Variants in TDP1 observed in about 807,000 individuals in gnomAD.
TDP1 encodes tyrosyl-DNA phosphodiesterase 1.
TDP1 carries 64 observed loss-of-function variants against 81.5 expected under a neutral mutation model. That is an observed-to-expected ratio of 0.79 (90% confidence interval 0.64 to 0.97). The LOEUF is 0.97. TDP1 is among the 50% of genes least tolerant of loss of function. TDP1 has a pLI of 0.00. For synonymous variants in TDP1, 256 were observed against 264.3 expected (o/e 0.97, Z 0.30); for missense variants, 723 against 743.8 (o/e 0.97, Z 0.33).
At position 89,989,723 on chromosome 14, in the gene TDP1, C is replaced by G; in HGVS notation, c.1324C>G (p.Pro442Ala). The G allele has an allele frequency of 1.2e-6, 2 of 1,609,386 alleles. No homozygotes were observed. The highest frequency in any genetic ancestry group is 1.7e-6 in the Non-Finnish European group (2 of 1,175,894). The change falls in exon 12 of 17, where the codon CCT (proline) becomes GCT (alanine). Residue 442 changes from proline (P) to alanine (A), a missense_variant. Coordinates refer to ENST00000335725, the MANE Select transcript of TDP1 (RefSeq NM_018319.4). Reference protein sequence around the residue: ...KSSVPLYLIYPSVENVRTSLE... With the variant: ...KSSVPLYLIYASVENVRTSLE... The stretch of plus-strand genomic sequence containing the variant: ...GTTTTCCTCTTATTTTTAGATCTAT[C>G]CTTCTGTGGAAAATGTGCGGACCAG...
At chr14:89,981,258 A>C (rs1318122937) in intron 8 of TDP1, among the ~76,000 whole-genome samples, 2 of 152,186 alleles carry the variant, frequency 1.3e-5, no homozygotes, top group Non-Finnish European at 2.9e-5. Context: ...AAAGTTGTGA[A>C]TCTCCAAGAG....
chr14:89,960,058 C>T (rs1000374550), intron 2 of TDP1, among the ~76,000 whole-genome samples: 2 of 152,132 alleles, frequency 1.3e-5, no homozygotes, highest in Non-Finnish European at 2.9e-5. Flanking sequence ...TATTACTCAC[C>T]GCCTTGGTTT....
intron 14 of TDP1, among the ~76,000 whole-genome samples, chr14:90,004,120 A>G (rs569170897): frequency 6.6e-6 from 1 of 152,218 alleles, no homozygotes; most frequent in East Asian, 1.9e-4. Context: ...TACGATAGAG[A>G]TGACTCAAGG....
intron 3 of TDP1, among the ~76,000 whole-genome samples, chr14:89,964,407 A>G (rs557251254): frequency 6.6e-6 from 1 of 152,354 alleles, no homozygotes; most frequent in African/African-American, 2.4e-5. Context: ...TCTGAATTTT[A>G]GTTTGCTCAT....
chr14:89,959,503 A>G (rs1892079219), intron 2 of TDP1, among the ~76,000 whole-genome samples: 1 of 152,250 alleles, frequency 6.6e-6, no homozygotes. Context: ...ACATTTAACA[A>G]CAAGACACAA....
chr14:89,970,851 A>G, intron 5 of TDP1: 1 of 709,618 alleles, frequency 1.4e-6, no homozygotes, highest in Non-Finnish European at 1.7e-6. Context: ...TTATTTATTT[A>G]TTTTTGAGAC....
At position 90,008,949 on chromosome 14, in the gene TDP1, TC is replaced by T. The variant is rs567388909; in HGVS notation, c.1542-10365del. Among the ~76,000 whole-genome samples, 234 of 152,348 alleles carry T rather than the reference TC, an allele frequency of 1.5e-3. 2 individuals are homozygous for T. The highest frequency in any genetic ancestry group is 5.3e-3 in the African/African-American group (220 of 41,586). ...GTCTCAAGCCTCTGGCCTCAAGTGA[TC>T]CTTCTGTCTTGGCTTCCCAAAGCAC... On this transcript the variant is annotated intron_variant, in intron 14 of 16. Coordinates refer to ENST00000335725, the MANE Select transcript of TDP1 (RefSeq NM_018319.4).
intron 6 of TDP1, chr14:89,975,425 T>G: frequency 1.0e-6 from 1 of 985,396 alleles, no homozygotes; most frequent in Non-Finnish European, 1.2e-6. Flanking sequence ...CATTAATTTC[T>G]GTATAAGCCA....
At chr14:89,972,553 A>G (rs1316131932) in intron 6 of TDP1, among the ~76,000 whole-genome samples, 1 of 152,220 alleles carries the variant, frequency 6.6e-6, no homozygotes. Flanking sequence ...GTTAGCATAC[A>G]ATGTGGCCAG....
chr14:90,015,325 A>C (rs1169694182), intron 14 of TDP1, among the ~76,000 whole-genome samples: 1 of 152,108 alleles, frequency 6.6e-6, no homozygotes, highest in Non-Finnish European at 1.5e-5. Flanking sequence ...TTTTTGTCAT[A>C]CGTTTTCAAG....
At chr14:89,973,556 C>T (rs1171852487) in intron 6 of TDP1, among the ~76,000 whole-genome samples, 1 of 152,124 alleles carries the variant, frequency 6.6e-6, no homozygotes, top group Non-Finnish European at 1.5e-5. Context: ...AAGATAAAGT[C>T]TTTTTCTAGC....
chr14:90,011,908 A>G (rs1340034959), intron 14 of TDP1, among the ~76,000 whole-genome samples: 2 of 152,246 alleles, frequency 1.3e-5, no homozygotes, highest in Non-Finnish European at 2.9e-5. Flanking sequence ...ATAAGTAATG[A>G]GGAGCCAAAT....
chr14:89,974,484 C>T (rs1894034982), intron 6 of TDP1, among the ~76,000 whole-genome samples: 1 of 152,212 alleles, frequency 6.6e-6, no homozygotes, highest in Non-Finnish European at 1.5e-5. Flanking sequence ...TGAGCATCTC[C>T]ATTCCAAACA....
intron 7 of TDP1, 164 bp from the exon 8 acceptor site, chr14:89,980,376 C>T: frequency 1.1e-6 from 1 of 930,488 alleles, no homozygotes; most frequent in Non-Finnish European, 1.3e-6. Context: ...CTTAGGCAGA[C>T]TTTCATCATG....
intron 16 of TDP1, among the ~76,000 whole-genome samples, chr14:90,034,312 C>T (rs575126923): frequency 2.6e-5 from 4 of 152,316 alleles, no homozygotes; most frequent in African/African-American, 9.6e-5. Flanking sequence ...GTTGACTTCA[C>T]AGGCCCTCCC....
At chr14:90,041,330 T>A (rs1888331239) in intron 16 of TDP1, among the ~76,000 whole-genome samples, 1 of 152,186 alleles carries the variant, frequency 6.6e-6, no homozygotes, top group African/African-American at 2.4e-5. Flanking sequence ...GACCCAGGTG[T>A]ATGGCTCTCT....
At chr14:90,005,340 C>G (rs545362191) in intron 14 of TDP1, among the ~76,000 whole-genome samples, 17 of 152,300 alleles carry the variant, frequency 1.1e-4, no homozygotes, top group Middle Eastern at 3.4e-3. Context: ...GCAAGTAATT[C>G]ACCCAGAGAT....
chr14:89,966,270 G>A, intron 4 of TDP1, 80 bp downstream of exon 4: 1 of 948,068 alleles, frequency 1.1e-6, no homozygotes, highest in Non-Finnish European at 1.7e-6. Context: ...AATATGAGAG[G>A]CATAGTTTGG....
intron 6 of TDP1, among the ~76,000 whole-genome samples, chr14:89,972,549 A>C (rs1018701501): frequency 5.9e-5 from 9 of 152,370 alleles, no homozygotes; most frequent in East Asian, 1.9e-4. Flanking sequence ...TGCAGTTAGC[A>C]TACAATGTGG....
Sources: gnomAD v4.1 joint callset for allele counts (sites outside exome capture counted in the v4.1 genomes callset) on GRCh38, gnomAD v4.1.1 for gene constraint, MANE v1.5 for transcripts, NCBI Gene and HGNC (gene_info 2026-07-23, HGNC 2026-07-21) for gene names.